PLAGL1: variants seen among roughly 807,000 people sequenced by gnomAD.
PLAGL1 encodes PLAG1 like zinc finger 1.
In PLAGL1, 1 loss-of-function variant was observed where a neutral mutation model predicts 4.6. The observed-to-expected ratio is 0.22, with a 90% CI of 0.08 to 1.03. PLAGL1 has a LOEUF of 1.03. PLAGL1 is among the 50% of genes least tolerant of loss of function. The pLI is 0.58. For synonymous variants in PLAGL1, 240 were observed against 237.8 expected, an observed-to-expected ratio of 1.01 and a Z score of -0.08; for missense variants, 464 against 570.4, an observed-to-expected ratio of 0.81 and a Z score of 1.90.
chr6:144,046,262 G>T (rs543685736), intron 1 of PLAGL1, among the ~76,000 whole-genome samples: 2 of 152,146 alleles, frequency 1.3e-5, no homozygotes, highest in African/African-American at 4.8e-5. Context: ...AGGAGAAAAG[G>T]TGCTCTGGTT....
In PLAGL1 at chr6:143,964,295, A is replaced by G. The variant is rs139392448; in HGVS notation, c.-399+492T>C. On this transcript the variant is annotated intron_variant, in intron 5 of 7. Coordinates refer to ENST00000674357, the MANE Select transcript of PLAGL1 (RefSeq NM_001317162.2). This position sits in a 1 kb window ranked among gnomAD's most constrained non-coding sequence, Gnocchi z 4.3. ...AGCTACAAGGATTCAATAAATCACT[A>G]CTTTGATAAACTGAAGGTCAGAGGT... Among the ~76,000 whole-genome samples, 151 of 152,232 alleles carry G rather than the reference A, an allele frequency of 9.9e-4. 2 individuals carry two copies. The East Asian group carries it at 0.027, about 27-fold the overall frequency.
At chr6:144,002,878 G>T (rs1305968606) in intron 1 of PLAGL1, among the ~76,000 whole-genome samples, 4 of 93,622 alleles carry the variant, frequency 4.3e-5, no homozygotes, top group African/African-American at 1.7e-4. Context: ...CAAAATTCTG[G>T]TAGGCTTTTT....
rs1788433231 is a variant in PLAGL1, at chr6:143,983,676, G to T, written c.-544+1459C>A. The stretch of plus-strand genomic sequence containing the variant: ...AGTGGATGAGTGATTTTAATGAGAG[G>T]GTAGGCTATTGACGTTGAGTAAGGG... On this transcript the variant is annotated intron_variant, in intron 2 of 7. Coordinates refer to ENST00000674357, the MANE Select transcript of PLAGL1 (RefSeq NM_001317162.2). The surrounding 1 kb of genome is among the most constrained non-coding windows in gnomAD (Gnocchi z 6.6). 3.3e-5 allele frequency among the ~76,000 whole-genome samples: 5 copies of T among 151,986 alleles called. No homozygotes were observed. The South Asian group carries it at 1.0e-3, about 32-fold the overall frequency.
chr6:144,015,392 G>A lies in PLAGL1; in HGVS notation c.-150-46414C>T, dbSNP rs899203472. ...GGATAGGCAGAGACTGGCTGGACAGGACACAAGAAGCAATGACCCTAAAAG... is the reference window on the plus strand; with the variant it reads ...GGATAGGCAGAGACTGGCTGGACAGAACACAAGAAGCAATGACCCTAAAAG... On this transcript the variant is annotated intron_variant, in intron 1 of 3. Transcript: ENST00000437412. The surrounding 1 kb of genome is among the most constrained non-coding windows in gnomAD (Gnocchi z 4.3). Among the ~76,000 whole-genome samples the A allele has an allele frequency of 2.6e-5, 4 of 152,112 alleles. No individual in the cohort carries two copies. Among genetic ancestry groups the A allele is most frequent in the African/African-American group, 7.2e-5 (3 of 41,420 alleles).
In PLAGL1 at chr6:144,020,686, T is replaced by C. The variant is rs140949763; in HGVS notation, c.-151+43782A>G. On this transcript the variant is annotated intron_variant, in intron 1 of 3. Coordinates refer to the PLAGL1 transcript ENST00000437412. ...AATTCAAACTCCTGAGTTCAAGTGA[T>C]CCTCCTGCCTAAGCCTCCTGAGGTG... is the stretch of plus-strand genomic sequence containing the variant. Among the ~76,000 whole-genome samples, 833 of 150,946 alleles carry C rather than the reference T, an allele frequency of 5.5e-3. 7 individuals carry two copies. The highest frequency in any genetic ancestry group is 7.6e-3 in the Non-Finnish European group (516 of 67,790).
At position 143,941,775 on chromosome 6, in the gene PLAGL1, T is replaced by C; in HGVS notation, c.1041A>G (p.Pro347=). 1 of 1,614,220 alleles carries C rather than the reference T, an allele frequency of 6.2e-7. No homozygotes were observed. Among genetic ancestry groups the C allele is most frequent in the Non-Finnish European group, 8.5e-7 (1 of 1,180,042 alleles). Residue 347 remains proline (P), a synonymous_variant, in exon 8 of 8, where the codon CCA becomes CCG. Transcript: ENST00000674357. This position sits in a 1 kb window ranked among gnomAD's most constrained non-coding sequence, Gnocchi z 6.0. ...CATTTCCCTTAGCCAGATCAAAACC[T>C]GGGTTGAGCTTTTGAGGTGACTGAG... The part of the protein sequence containing the change: ...QEPQSPQKLN[P]GFDLAKGNAG...
At position 144,016,966 on chromosome 6, in the gene PLAGL1, A is replaced by G. The variant is rs1393082495; in HGVS notation, c.-151+47502T>C. On this transcript the variant is annotated intron_variant, in intron 1 of 3. Coordinates refer to the PLAGL1 transcript ENST00000437412. This position sits in a 1 kb window ranked among gnomAD's most constrained non-coding sequence, Gnocchi z 4.2. Reference sequence around the variant, plus strand: ...GTGAGGGTGTCAGTGGCAGAGGTGAAACCTGACCTAGAGCCTTCTCTTGGA... The same window carrying G: ...GTGAGGGTGTCAGTGGCAGAGGTGAGACCTGACCTAGAGCCTTCTCTTGGA... 2.0e-5 allele frequency among the ~76,000 whole-genome samples: 3 copies of G among 152,176 alleles called. No homozygotes were observed. The highest frequency in any genetic ancestry group is 7.2e-5 in the African/African-American group (3 of 41,444).
rs1272295181 is a variant in PLAGL1 at position 143,949,814 on chromosome 6, G to A, written c.-324-1354C>T. 6.6e-6 allele frequency among the ~76,000 whole-genome samples: 1 copy of A among 152,086 alleles called. No individual in the cohort carries two copies. Among genetic ancestry groups the A allele is most frequent in the Admixed American group, 6.5e-5 (1 of 15,268 alleles). Reference sequence around the variant, plus strand: ...TCCCTGCTCCTTGCAGTCATTTATTGCCATGTCTCTAGAGTTGCTCTTTAT... The same window carrying A: ...TCCCTGCTCCTTGCAGTCATTTATTACCATGTCTCTAGAGTTGCTCTTTAT... On this transcript the variant is annotated intron_variant, in intron 6 of 7. Transcript: ENST00000674357. This position sits in a 1 kb window ranked among gnomAD's most constrained non-coding sequence, Gnocchi z 5.3.
chr6:144,029,842 T>C (rs1248775947), intron 1 of PLAGL1, among the ~76,000 whole-genome samples: 4 of 152,212 alleles, frequency 2.6e-5, no homozygotes, highest in Non-Finnish European at 5.9e-5. Flanking sequence ...CACTGTTTGA[T>C]CTCACATTTC....
chr6:144,001,597 G>T (rs1792896895), intron 1 of PLAGL1, among the ~76,000 whole-genome samples: 1 of 152,094 alleles, frequency 6.6e-6, no homozygotes, highest in African/African-American at 2.4e-5. Flanking sequence ...CAAATTATTT[G>T]ATATCCCTCC....
rs1256299378 is a variant in PLAGL1, at chr6:144,056,378, G to A, written c.-151+8090C>T. On this transcript the variant is annotated intron_variant, in intron 1 of 3. Coordinates refer to the PLAGL1 transcript ENST00000437412. The surrounding 1 kb of genome is among the most constrained non-coding windows in gnomAD (Gnocchi z 4.7). ...GGTTCACATTCGGGCTCACCTTGAC[G>A]TTATACATTCTATGTGTTTGGACAA... 6.6e-6 allele frequency among the ~76,000 whole-genome samples: 1 copy of A among 152,070 alleles called. No individual in the cohort carries two copies. Among genetic ancestry groups the A allele is most frequent in the Non-Finnish European group, 1.5e-5 (1 of 68,018 alleles).
upstream of PLAGL1, among the ~76,000 whole-genome samples, chr6:144,010,440 A>G (rs12202797): frequency 3.3e-3 from 507 of 152,354 alleles, 4 homozygotes; most frequent in Middle Eastern, 0.02. The surrounding 1 kb of genome is among the most constrained non-coding windows in gnomAD (Gnocchi z 4.1). Flanking sequence ...ACCACTGCTT[A>G]AGGAAATCAG....
chr6:143,977,087 C>CG (rs923957451), intron 2 of PLAGL1, among the ~76,000 whole-genome samples: 16 of 146,104 alleles, frequency 1.1e-4, no homozygotes, highest in South Asian at 4.7e-4. Flanking sequence ...CTCCCTTCCC[C>CG]CCCCCCAACA....
intron 1 of PLAGL1, among the ~76,000 whole-genome samples, chr6:144,029,601 A>G (rs35792535): frequency 3.5e-4 from 54 of 152,378 alleles, no homozygotes; most frequent in Non-Finnish European, 5.7e-4. Context: ...GAGATTTTCC[A>G]CTTATCAGAT....
rs1304276323 is a variant in PLAGL1, at chr6:143,952,903, A to T, written c.-324-4443T>A. Among the ~76,000 whole-genome samples, 2 of 152,230 alleles carry T rather than the reference A, an allele frequency of 1.3e-5. No homozygotes were observed. Among genetic ancestry groups the T allele is most frequent in the Non-Finnish European group, 1.5e-5 (1 of 68,034 alleles). On this transcript the variant is annotated intron_variant, in intron 6 of 7. Transcript: ENST00000674357. The surrounding 1 kb of genome is among the most constrained non-coding windows in gnomAD (Gnocchi z 6.1). ...TTTGGTAGCAGTCTCTATCAAATTT[A>T]AAAAAGCTATTTAGAAATGTCATCA...
rs937929100 is a variant in PLAGL1 at position 143,949,917 on chromosome 6, T to A, written c.-324-1457A>T. Among the ~76,000 whole-genome samples the A allele has an allele frequency of 6.6e-6, 1 of 152,228 alleles. No homozygotes were observed. The highest frequency in any genetic ancestry group is 1.5e-5 in the Non-Finnish European group (1 of 68,040). ...ATGAGTCTAACTAGATGAAACTTTATTGTAATAACAGTTTAAACATGTTTA... is the reference window on the plus strand; with the variant it reads ...ATGAGTCTAACTAGATGAAACTTTAATGTAATAACAGTTTAAACATGTTTA... On this transcript the variant is annotated intron_variant, in intron 6 of 7. Transcript: ENST00000674357. This position sits in a 1 kb window ranked among gnomAD's most constrained non-coding sequence, Gnocchi z 5.3.
chr6:143,942,668 G>C lies in PLAGL1; in HGVS notation c.153-5C>G. 1 of 1,602,138 alleles carries C rather than the reference G, an allele frequency of 6.2e-7. No homozygotes were observed. Among genetic ancestry groups the C allele is most frequent in the Non-Finnish European group, 8.5e-7 (1 of 1,173,960 alleles). Reference sequence around the variant, plus strand: ...GGAGAATGGGTAGCCATATGCCTAGGAGCAGAAGGAGAAATTTCACAATAG... The same window carrying C: ...GGAGAATGGGTAGCCATATGCCTAGCAGCAGAAGGAGAAATTTCACAATAG... On this transcript the variant is annotated splice_polypyrimidine_tract_variant and splice_region_variant and intron_variant, in intron 7 of 7. Transcript: ENST00000674357. The surrounding 1 kb of genome is among the most constrained non-coding windows in gnomAD (Gnocchi z 7.6).
rs1222289739 is a variant in PLAGL1, at chr6:144,059,945, G to T, written c.-151+4523C>A. Among the ~76,000 whole-genome samples the T allele has an allele frequency of 2.0e-5, 3 of 152,070 alleles. No homozygotes were observed. The South Asian group carries it at 6.2e-4, about 32-fold the overall frequency. ...CCCCAGGTGGCCAAGGGTCTGAAAG[G>T]TCATTTCCCCCCATCTAGCAAGAGC... On this transcript the variant is annotated intron_variant, in intron 1 of 3. Transcript: ENST00000437412. The surrounding 1 kb of genome is among the most constrained non-coding windows in gnomAD (Gnocchi z 4.9).
In PLAGL1 at chr6:144,005,817, G is replaced by C. The variant is rs891455018; in HGVS notation, c.-584+2273C>G. ...ATAATAAAATATTAAAGTCATATGA[G>C]GCTATTGAGCACTAAAAATGTGGCC... is the stretch of plus-strand genomic sequence containing the variant. On this transcript the variant is annotated intron_variant, in intron 1 of 7. Coordinates refer to ENST00000674357, the MANE Select transcript of PLAGL1 (RefSeq NM_001317162.2). This position sits in a 1 kb window ranked among gnomAD's most constrained non-coding sequence, Gnocchi z 4.6. 1 of 151,750 alleles carries C rather than the reference G, an allele frequency of 6.6e-6. No homozygotes were observed. Among genetic ancestry groups the C allele is most frequent in the African/African-American group, 2.4e-5 (1 of 41,358 alleles). The allele number at this position is 151,750 out of a possible 1,614,324, so 9.4% of individuals were successfully genotyped here. A position where few individuals can be genotyped will look rare whatever the true frequency, so the allele number is the denominator to read the frequency against.
Sources: allele counts gnomAD v4.1 joint callset (sites outside exome capture counted in the v4.1 genomes callset), GRCh38; gene constraint gnomAD v4.1.1; non-coding constraint Gnocchi (gnomAD v3.1); transcripts MANE v1.5; gene names NCBI Gene and HGNC (gene_info 2026-07-23, HGNC 2026-07-21).